The following RIMS2 variants were observed in gnomAD, a reference collection of about 807,000 sequenced individuals.
RIMS2 encodes the protein regulating synaptic membrane exocytosis protein 2.
In RIMS2, 59 loss-of-function variants were observed where a neutral mutation model predicts 174.4. The observed-to-expected ratio is 0.34, with a 90% CI of 0.27 to 0.42. RIMS2 has a LOEUF of 0.42. Among genes scored for constraint, RIMS2 ranks in the 10% least tolerant of loss-of-function variants. The pLI is 1.00. For synonymous variants in RIMS2, 606 were observed against 572.5 expected, an observed-to-expected ratio of 1.06 and a Z score of -0.84; for missense variants, 1,620 against 1,666.3, an observed-to-expected ratio of 0.97 and a Z score of 0.48.
chr8:103,920,068 A>T (rs1410868571), intron 9 of RIMS2, among the ~76,000 whole-genome samples: 1 of 152,092 alleles, frequency 6.6e-6, no homozygotes, highest in Non-Finnish European at 1.5e-5. Flanking sequence ...GGAAACCTTT[A>T]TCTTATTTTA....
intron 3 of RIMS2, among the ~76,000 whole-genome samples, chr8:103,868,103 C>T (rs1341723935): frequency 1.3e-5 from 2 of 151,984 alleles, no homozygotes; most frequent in African/African-American, 2.4e-5. Context: ...GGATAATTTT[C>T]AACAGCTGGG....
At chr8:103,709,189 T>C (rs1302636979) in intron 2 of RIMS2, among the ~76,000 whole-genome samples, 1 of 152,164 alleles carries the variant, frequency 6.6e-6, no homozygotes, top group Non-Finnish European at 1.5e-5. Flanking sequence ...AGAACTTTAA[T>C]TTGGGACTTA....
chr8:104,170,212 T>G (rs753527392), intron 19 of RIMS2, among the ~76,000 whole-genome samples: 2 of 152,062 alleles, frequency 1.3e-5, no homozygotes, highest in Non-Finnish European at 1.5e-5. Flanking sequence ...AGTCCATTTT[T>G]TTGTTGTTGT....
intron 19 of RIMS2, among the ~76,000 whole-genome samples, chr8:104,173,528 A>AATG (rs1234960965): frequency 1.3e-5 from 2 of 150,856 alleles, no homozygotes; most frequent in African/African-American, 2.4e-5. Flanking sequence ...GAGTTTCCAT[A>AATG]ATGTTATGAA....
intron 1 of RIMS2, among the ~76,000 whole-genome samples, chr8:103,657,125 T>C: frequency 6.6e-6 from 1 of 152,168 alleles, no homozygotes; most frequent in East Asian, 1.9e-4. Context: ...AGTCTTTAGA[T>C]TTTCCGCCTC....
chr8:103,866,747 C>T (rs1044378483), intron 3 of RIMS2, among the ~76,000 whole-genome samples: 1 of 152,062 alleles, frequency 6.6e-6, no homozygotes, highest in Non-Finnish European at 1.5e-5. Flanking sequence ...TATTATTGAA[C>T]AAGATGACAA....
intron 13 of RIMS2, 144 bp downstream of exon 15, chr8:103,936,866 G>C (rs900282152): frequency 1.9e-5 from 10 of 527,190 alleles, no homozygotes; most frequent in African/African-American, 4.0e-5. Context: ...GAGGCCGAGG[G>C]GGGCGGATCA....
chr8:104,110,377 A>G (rs1023913952), intron 19 of RIMS2, among the ~76,000 whole-genome samples: 1 of 152,216 alleles, frequency 6.6e-6, no homozygotes, highest in Admixed American at 6.5e-5. Context: ...TTCTCAAAAG[A>G]AAATCTATAA....
intron 1 of RIMS2, among the ~76,000 whole-genome samples, chr8:103,637,152 G>A (rs1215748842): frequency 6.6e-6 from 1 of 152,106 alleles, no homozygotes; most frequent in Admixed American, 6.6e-5. Flanking sequence ...ATCCAGATTT[G>A]CCTTTCTATG....
At chr8:103,575,679 C>CAT (rs112166531) in intron 1 of RIMS2, among the ~76,000 whole-genome samples, 5,126 of 140,962 alleles carry the variant, frequency 0.036, 243 homozygotes, top group African/African-American at 0.12. Context: ...CATACACACA[C>CAT]ACACACATAT....
intron 1 of RIMS2, among the ~76,000 whole-genome samples, chr8:103,612,043 G>T (rs1394503360): frequency 6.6e-6 from 1 of 151,564 alleles, no homozygotes; most frequent in Non-Finnish European, 1.5e-5. Context: ...TCTCTTTTCT[G>T]CCTGATCAGT....
chr8:103,816,495 T>C (rs2098719420), intron 3 of RIMS2, among the ~76,000 whole-genome samples: 1 of 152,232 alleles, frequency 6.6e-6, no homozygotes, highest in Non-Finnish European at 1.5e-5. Flanking sequence ...TAAACATTTT[T>C]TCAAGTAAAT....
At chr8:104,000,772 T>C (rs1043944831) in intron 17 of RIMS2, among the ~76,000 whole-genome samples, 2 of 151,946 alleles carry the variant, frequency 1.3e-5, no homozygotes, top group African/African-American at 2.4e-5. Context: ...TGAAATGATA[T>C]CTCATTGTGG....
At chr8:104,133,230 G>T (rs551609646) in intron 19 of RIMS2, among the ~76,000 whole-genome samples, 1 of 152,220 alleles carries the variant, frequency 6.6e-6, no homozygotes, top group African/African-American at 2.4e-5. Context: ...ACATTTTTGA[G>T]AAATTTAGAA....
At position 103,826,401 on chromosome 8, in the gene RIMS2, A is replaced by G. The variant is rs72681318; in HGVS notation, c.699-58897A>G. ...ATCCATCATAAATTAATTTTTGTGT[A>G]TATAGTGTGAGGTAGGGGTCAAGAT... On this transcript the variant is annotated intron_variant, in intron 3 of 23. Transcript: ENST00000504942. 3.1e-3 allele frequency among the ~76,000 whole-genome samples: 462 copies of G among 151,204 alleles called. 2 individuals carry two copies. The highest frequency in any genetic ancestry group is 4.5e-3 in the Non-Finnish European group (307 of 67,832).
At chr8:104,001,032 A>G (rs1370023748) in intron 17 of RIMS2, among the ~76,000 whole-genome samples, 1 of 151,610 alleles carries the variant, frequency 6.6e-6, no homozygotes, top group Admixed American at 6.6e-5. Flanking sequence ...CACTTTGTTT[A>G]TTGTTTTCTA....
chr8:103,686,031 G>A (rs2096936546), intron 1 of RIMS2, among the ~76,000 whole-genome samples: 1 of 152,074 alleles, frequency 6.6e-6, no homozygotes, highest in Admixed American at 6.6e-5. Context: ...GCCATAGGAA[G>A]CTTGTTCATA....
chr8:103,976,166 A>G (rs916974591), intron 16 of RIMS2: 1 of 152,236 alleles, frequency 6.6e-6, no homozygotes, highest in East Asian at 1.9e-4. Context: ...AATAATCTCT[A>G]AAGATAAGAG....
intron 2 of RIMS2, among the ~76,000 whole-genome samples, chr8:103,729,310 T>C (rs1283413110): frequency 6.6e-6 from 1 of 152,244 alleles, no homozygotes; most frequent in African/African-American, 2.4e-5. Context: ...TGGTAGGTTG[T>C]ATGTGTCTAT....
Sources: gnomAD v4.1 joint callset for allele counts (sites outside exome capture counted in the v4.1 genomes callset) on GRCh38, gnomAD v4.1.1 for gene constraint, MANE v1.5 for transcripts, NCBI Gene and HGNC (gene_info 2026-07-23, HGNC 2026-07-21) for gene names.